The following GADD45G variants were observed in gnomAD, a reference collection of about 807,000 sequenced individuals.
GADD45G encodes growth arrest and DNA damage-inducible protein GADD45 gamma.
In GADD45G, 7 loss-of-function variants were observed where a neutral mutation model predicts 17.3. The ratio of observed to expected loss-of-function variants is 0.41; its 90% confidence interval spans 0.23 to 0.76. The LOEUF (loss-of-function observed/expected upper bound fraction) is 0.76, where lower values mean the gene tolerates loss of function less well. Among genes scored for constraint, GADD45G ranks in the 30% least tolerant of loss-of-function variants. The pLI, the probability that GADD45G is intolerant of heterozygous loss-of-function variation, is 0.34. For missense variants in GADD45G, 149 were observed against 219.2 expected, an observed-to-expected ratio of 0.68 and a Z score of 2.02; for synonymous variants, 93 against 94.9, an observed-to-expected ratio of 0.98 and a Z score of 0.12.
At position 89,605,663 on chromosome 9, in the gene GADD45G, G is replaced by C. The variant is rs368136463; in HGVS notation, c.156-4G>C. On this transcript the variant is annotated splice_region_variant and splice_polypyrimidine_tract_variant and intron_variant, in intron 2 of 3. Coordinates refer to ENST00000252506, the MANE Select transcript of GADD45G (RefSeq NM_006705.4). ...TGACCTAGGTCCCCGCCTTGCCCTC[G>C]CAGGGACCCCGACAATGTGACCTTC... 1 of 1,613,582 alleles carries C rather than the reference G, an allele frequency of 6.2e-7. No homozygotes were observed. The highest frequency in any genetic ancestry group is 1.1e-5 in the South Asian group (1 of 91,078).
Position 89,605,083 on chromosome 9 carries a change from T to C in GADD45G, c.-39T>C. The C allele has an allele frequency of 6.3e-7, 1 of 1,579,864 alleles. No homozygotes were observed. The highest frequency in any genetic ancestry group is 8.7e-7 in the Non-Finnish European group (1 of 1,150,874). ...GTGTTCGCCCGCGTCCCCTCCGCGC[T>C]CTCCGCTTGTGGATAACTAGCTGCT... On this transcript the variant is annotated 5_prime_UTR_variant, in exon 1 of 4. Coordinates refer to ENST00000252506, the MANE Select transcript of GADD45G (RefSeq NM_006705.4).
chr9:89,605,852 C>A lies in GADD45G; in HGVS notation c.341C>A (p.Pro114Gln), dbSNP rs763440749. 5.6e-6 allele frequency: 9 copies of A among 1,612,146 alleles called. No homozygotes were observed. The Admixed American group carries it at 1.3e-4, about 24-fold the overall frequency. ...GGCGCCGGCGAGGAGGCGGGTGCGC[C>A]GGGCGACCTGCACTGCATCCTCATT... is the stretch of plus-strand genomic sequence containing the variant. Reference protein sequence around the residue: ...IVGAGEEAGAPGDLHCILISN... With the variant: ...IVGAGEEAGAQGDLHCILISN... The change falls in exon 3 of 4, where the codon CCG (proline) becomes CAG (glutamine). Residue 114 changes from proline to glutamine, a missense_variant. Physicochemically the swap from Pro to Gln is moderately conservative, Grantham distance 76 (BLOSUM62 -1). This residue lies in a region of GADD45G where 73 missense variants were observed against 84.3 expected (regional missense o/e 0.87). Coordinates refer to ENST00000252506, the MANE Select transcript of GADD45G (RefSeq NM_006705.4).
chr9:89,606,071 C>A lies in GADD45G; in HGVS notation c.472C>A (p.Pro158Thr). ...VNDWVPSITL[P>T]E ...CGACTGGGTGCCCAGCATCACCCTC[C>A]CCGAGTGACAGCCCGGCGGGGACCT... is the stretch of plus-strand genomic sequence containing the variant. Residue 158 changes from proline to threonine, a missense_variant, in exon 4 of 4, where the codon CCC becomes ACC. Physicochemically the swap from Pro to Thr is conservative, Grantham distance 38. Coordinates refer to ENST00000252506, the MANE Select transcript of GADD45G (RefSeq NM_006705.4). 1 of 1,608,046 alleles carries A rather than the reference C, an allele frequency of 6.2e-7. No homozygotes were observed. Among genetic ancestry groups the A allele is most frequent in the Non-Finnish European group, 8.5e-7 (1 of 1,176,092 alleles).
chr9:89,605,402 C>T (rs767050931), intron 1 of GADD45G, 30 bp from the exon 2 acceptor site: 1 of 1,506,120 alleles, frequency 6.6e-7, no homozygotes, highest in Non-Finnish European at 9.0e-7. Flanking sequence ...CTCCGGCCGG[C>T]TCCCGCTCAC....
intron 3 of GADD45G, 32 bp from the exon 4 acceptor site, chr9:89,605,937 C>A (rs1317267750): frequency 6.3e-7 from 1 of 1,592,754 alleles, no homozygotes. Context: ...CGGCCCGCGG[C>A]CAGCCAGGCT....
chr9:89,605,634 GT>G (rs1564090272), intron 2 of GADD45G, 32 bp from the exon 3 acceptor site: 2 of 1,576,650 alleles, frequency 1.3e-6, no homozygotes, highest in South Asian at 1.1e-5. Flanking sequence ...CGGCTAGCCG[GT>G]TCTGACCTAG....
At chr9:89,605,905 C>A in intron 3 of GADD45G, 25 bp downstream of exon 3, 1 of 1,589,238 alleles carries the variant, frequency 6.3e-7, no homozygotes. Flanking sequence ...GTCCTGTCCC[C>A]GCCCCAGTGT....
intron 1 of GADD45G, 75 bp from the exon 2 acceptor site, chr9:89,605,357 G>A: frequency 8.4e-7 from 1 of 1,187,892 alleles, no homozygotes; most frequent in Non-Finnish European, 1.2e-6. Flanking sequence ...CCAAGGGTGT[G>A]TGCCGGTGGC....
chr9:89,605,931 C>A (rs780697159), intron 3 of GADD45G, 38 bp from the exon 4 acceptor site: 2 of 1,590,788 alleles, frequency 1.3e-6, no homozygotes, highest in Non-Finnish European at 1.7e-6. Flanking sequence ...CCGCCTCGGC[C>A]CGCGGCCAGC....
rs1186789814 is a variant in GADD45G at position 89,605,110 on chromosome 9, G to A, written c.-12G>A. 3.1e-6 allele frequency: 5 copies of A among 1,612,532 alleles called. 1 individual carries two copies. The highest frequency in any genetic ancestry group is 4.5e-5 in the East Asian group (2 of 44,884). ...TCCGCTTGTGGATAACTAGCTGCTG[G>A]TTGATCGCACTATGACTCTGGAAGA... On this transcript the variant is annotated 5_prime_UTR_variant, in exon 1 of 4. Transcript: ENST00000252506.
At position 89,605,833 on chromosome 9, in the gene GADD45G, G is replaced by C. The variant is rs1827515158; in HGVS notation, c.322G>C (p.Gly108Arg). Residue 108 changes from glycine (G) to arginine (R), a missense_variant, in exon 3 of 4, where the codon GGC becomes CGC. Physicochemically the swap from Gly to Arg is moderately radical, Grantham distance 125. Coordinates refer to ENST00000252506, the MANE Select transcript of GADD45G (RefSeq NM_006705.4). ...GCGGCTGGCGGCTATCGTGGGCGCC[G>C]GCGAGGAGGCGGGTGCGCCGGGCGA... ...VQRLAAIVGA[G>R]EEAGAPGDLH... 1.2e-6 allele frequency: 2 copies of C among 1,613,116 alleles called. No homozygotes were observed. The highest frequency in any genetic ancestry group is 2.2e-5 in the East Asian group (1 of 44,866).
In GADD45G at chr9:89,606,271, T is replaced by G. The variant is rs561884370; in HGVS notation, c.*192T>G. 262 of 608,996 alleles carry G rather than the reference T, an allele frequency of 4.3e-4. No homozygotes were observed. The highest frequency in any genetic ancestry group is 8.8e-4 in the Middle Eastern group (2 of 2,270). The allele number at this position is 608,996 out of a possible 1,614,324, so 37.7% of individuals were successfully genotyped here. On this transcript the variant is annotated 3_prime_UTR_variant, in exon 4 of 4. Transcript: ENST00000252506. ...CCCGGTGGCGGCAGGGCCAGGCTGG[T>G]CCGAGCTGAGGACTCTGCAAGTGTC...
Position 89,605,075 on chromosome 9 carries a change from C to A in GADD45G, c.-47C>A, listed in dbSNP as rs748525971. 6 of 1,531,468 alleles carry A rather than the reference C, an allele frequency of 3.9e-6. No individual in the cohort carries two copies. In the East Asian group the frequency reaches 1.4e-4, roughly 35 times the overall value. 94.9% of individuals were successfully genotyped at this position (1,531,468 alleles called of 1,614,324 possible). A position where few individuals can be genotyped will look rare whatever the true frequency, so the allele number is the denominator to read the frequency against. On this transcript the variant is annotated 5_prime_UTR_variant, in exon 1 of 4. Coordinates refer to ENST00000252506, the MANE Select transcript of GADD45G (RefSeq NM_006705.4). ...CTGTCAGTGTGTTCGCCCGCGTCCC[C>A]TCCGCGCTCTCCGCTTGTGGATAAC...
chr9:89,606,196 G>C lies in GADD45G; in HGVS notation c.*117G>C, dbSNP rs1348178294. 1 of 755,602 alleles carries C rather than the reference G, an allele frequency of 1.3e-6. No homozygotes were observed. 46.8% of individuals were successfully genotyped at this position (755,602 alleles called of 1,614,324 possible). ...CCCGAGTGCGGCGTGGAGACTGGCA[G>C]GCGGGGGGGGCGCCTGGAGAGCGAG... On this transcript the variant is annotated 3_prime_UTR_variant, in exon 4 of 4. Transcript: ENST00000252506.
intron 2 of GADD45G, 67 bp downstream of exon 2, chr9:89,605,600 G>C: frequency 6.4e-7 from 1 of 1,573,428 alleles, no homozygotes; most frequent in Non-Finnish European, 8.7e-7. Flanking sequence ...ACTGGCGGAT[G>C]GGAGGGGTGG....
intron 1 of GADD45G, 72 bp downstream of exon 1, chr9:89,605,246 C>CG: frequency 1.4e-6 from 2 of 1,432,728 alleles, no homozygotes; most frequent in Non-Finnish European, 2.0e-6. Context: ...TGGGAATCCG[C>CG]GGGGTAGGAG....
chr9:89,605,606 G>A (rs1409401485), intron 2 of GADD45G, 61 bp from the exon 3 acceptor site: 2 of 1,557,954 alleles, frequency 1.3e-6, no homozygotes. Context: ...GGATGGGAGG[G>A]GTGGCGGCGG....
rs5031029 is a variant in GADD45G, at chr9:89,606,198, C to CGG, written c.*126_*127dup. Reference sequence around the variant, plus strand: ...CGAGTGCGGCGTGGAGACTGGCAGGCGGGGGGGGCGCCTGGAGAGCGAGGA... The same window carrying CGG: ...CGAGTGCGGCGTGGAGACTGGCAGGCGGGGGGGGGGCGCCTGGAGAGCGAGGA... On this transcript the variant is annotated 3_prime_UTR_variant, in exon 4 of 4. Transcript: ENST00000252506. 1.9e-5 allele frequency: 14 copies of CGG among 732,512 alleles called. No homozygotes were observed. In the African/African-American group the frequency reaches 2.3e-4, roughly 12 times the overall value. 45.4% of individuals were successfully genotyped at this position (732,512 alleles called of 1,614,324 possible). A position where few individuals can be genotyped will look rare whatever the true frequency, so the allele number is the denominator to read the frequency against.
At chr9:89,605,353 G>A in intron 1 of GADD45G, 79 bp from the exon 2 acceptor site, 3 of 1,152,418 alleles carry the variant, frequency 2.6e-6, no homozygotes, top group Non-Finnish European at 2.5e-6. Flanking sequence ...GGAGCCAAGG[G>A]TGTGTGCCGG....
Sources: gnomAD v4.1 joint callset for allele counts on GRCh38, gnomAD v4.1.1 for gene constraint, gnomAD v4.1.1 regional missense constraint, MANE v1.5 for transcripts, NCBI Gene and HGNC (gene_info 2026-07-23, HGNC 2026-07-21) for gene names.